MYO5C: variants seen among roughly 807,000 people sequenced by gnomAD.
MYO5C encodes myosin VC.
In MYO5C, 194 loss-of-function variants were observed where a neutral mutation model predicts 235.7. That is an observed-to-expected ratio of 0.82 (90% confidence interval 0.73 to 0.93). The LOEUF (loss-of-function observed/expected upper bound fraction) is 0.93. Ranked by LOEUF, MYO5C falls within the 40% of genes least tolerant of loss-of-function variation. The pLI is 0.00. For synonymous variants in MYO5C, 707 were observed against 754.8 expected (o/e 0.94, Z 1.04); for missense variants, 2,038 against 2,127.2 (o/e 0.96, Z 0.82).
chr15:52,225,224 C>T (rs1479969967), intron 26 of MYO5C, 86 bp from the exon 27 acceptor site: 1 of 1,429,336 alleles, frequency 7.0e-7, no homozygotes. Context: ...AGTTTTCTAG[C>T]TTCACAGTCT....
intron 30 of MYO5C, 48 bp downstream of exon 30, chr15:52,221,114 G>A (rs1247734562): frequency 2.1e-6 from 3 of 1,431,828 alleles, no homozygotes; most frequent in Non-Finnish European, 2.9e-6. Flanking sequence ...CATTTCCGGG[G>A]TACAGGAAAC....
chr15:52,258,324 T>C (rs1478087635), intron 10 of MYO5C, among the ~76,000 whole-genome samples: 1 of 152,168 alleles, frequency 6.6e-6, no homozygotes, highest in African/African-American at 2.4e-5. Context: ...CCCCATCTTG[T>C]AGATGCAGAA....
intron 26 of MYO5C, 64 bp from the exon 27 acceptor site, chr15:52,225,202 T>G: frequency 6.4e-7 from 1 of 1,562,342 alleles, no homozygotes; most frequent in South Asian, 1.1e-5. Context: ...TCCCATTCCC[T>G]TTCCAGGGCC....
chr15:52,217,300 A>C (rs181567590), intron 32 of MYO5C, among the ~76,000 whole-genome samples: 4 of 152,356 alleles, frequency 2.6e-5, no homozygotes, highest in Admixed American at 2.0e-4. Flanking sequence ...AGAGCCAGAC[A>C]CTTGGAGGAG....
At chr15:52,252,029 C>T (rs1029394569) in intron 12 of MYO5C, among the ~76,000 whole-genome samples, 2 of 151,992 alleles carry the variant, frequency 1.3e-5, no homozygotes, top group Non-Finnish European at 2.9e-5. Context: ...CTTTAGGGCA[C>T]TTTAAAAATT....
intron 10 of MYO5C, among the ~76,000 whole-genome samples, chr15:52,259,369 G>A (rs1275917735): frequency 6.9e-6 from 1 of 145,084 alleles, no homozygotes; most frequent in East Asian, 2.0e-4. Flanking sequence ...GCAGTGAGCC[G>A]AGATGGTGCC....
At chr15:52,293,299 A>C (rs892497172) in intron 1 of MYO5C, among the ~76,000 whole-genome samples, 1 of 151,870 alleles carries the variant, frequency 6.6e-6, no homozygotes, top group Non-Finnish European at 1.5e-5. Flanking sequence ...CCTTGCACAG[A>C]TGCATTCCCC....
At chr15:52,273,942 T>C (rs2036981555) in intron 5 of MYO5C, among the ~76,000 whole-genome samples, 1 of 152,068 alleles carries the variant, frequency 6.6e-6, no homozygotes, top group Non-Finnish European at 1.5e-5. Context: ...CCTTACTGCT[T>C]CCCTACTCAA....
At chr15:52,255,655 T>C (rs1390473528) in intron 11 of MYO5C, among the ~76,000 whole-genome samples, 1 of 152,198 alleles carries the variant, frequency 6.6e-6, no homozygotes, top group Non-Finnish European at 1.5e-5. Flanking sequence ...CTGTTGGGAA[T>C]TCAAAAGTGA....
chr15:52,293,306 C>T, intron 1 of MYO5C, among the ~76,000 whole-genome samples: 1 of 152,076 alleles, frequency 6.6e-6, no homozygotes, highest in South Asian at 2.1e-4. Context: ...CAGATGCATT[C>T]CCCGCTGGCC....
At chr15:52,281,862 T>A (rs1008279668) in intron 2 of MYO5C, among the ~76,000 whole-genome samples, 2 of 152,200 alleles carry the variant, frequency 1.3e-5, no homozygotes, top group Non-Finnish European at 1.5e-5. Flanking sequence ...ACATGCTTTG[T>A]CAATTAATCC....
At chr15:52,262,558 T>C (rs2036719754) in intron 9 of MYO5C, among the ~76,000 whole-genome samples, 1 of 152,222 alleles carries the variant, frequency 6.6e-6, no homozygotes. Context: ...CCTCTCTCCC[T>C]GCTTTCCCAC....
intron 4 of MYO5C, chr15:52,278,133 C>T: frequency 5.6e-6 from 2 of 355,072 alleles, no homozygotes; most frequent in Non-Finnish European, 1.1e-5. Context: ...AAGGCAGCTA[C>T]AAAGATAGGG....
rs754292839 is a variant in MYO5C at position 52,264,254 on chromosome 15, G to A, written c.983C>T (p.Ala328Val). 1.9e-6 allele frequency: 3 copies of A among 1,614,136 alleles called. No homozygotes were observed. Among genetic ancestry groups the A allele is most frequent in the Non-Finnish European group, 2.5e-6 (3 of 1,179,990 alleles). Residue 328 changes from alanine (A) to valine (V), a missense_variant, in exon 9 of 41, where the codon GCA (alanine) becomes GTA (valine). Ala to Val is a moderately conservative substitution (Grantham distance 64). Transcript: ENST00000261839. Reference sequence around the variant, plus strand: ...CACATTGCCCAGATGTAGGATGGCTGCCAGGATTTTAAAAACGTCCATCTG... The same window carrying A: ...CACATTGCCCAGATGTAGGATGGCTACCAGGATTTTAAAAACGTCCATCTG... ...DFQMDVFKIL[A>V]AILHLGNVQI... is the part of the protein sequence containing the mutation.
rs370630081 is a variant in MYO5C at position 52,253,370 on chromosome 15, C to G, written c.1483G>C (p.Asp495His). The G allele has an allele frequency of 6.2e-7, 1 of 1,613,216 alleles. No homozygotes were observed. The highest frequency in any genetic ancestry group is 8.5e-7 in the Non-Finnish European group (1 of 1,179,360). ...ATTCCCATTTTTGCTTCAATCAGGT[C>G]AATAACTGGTTGATTGTCATAAAAA... ...IDFYDNQPVIDLIEAKMGILE... is the reference protein window; with the variant it reads ...IDFYDNQPVIHLIEAKMGILE... The change falls in exon 12 of 41, where the codon GAC becomes CAC. Residue 495 changes from aspartate (D) to histidine (H), a missense_variant. Coordinates refer to ENST00000261839, the MANE Select transcript of MYO5C (RefSeq NM_018728.4).
intron 9 of MYO5C, among the ~76,000 whole-genome samples, chr15:52,263,883 G>C (rs931479505): frequency 6.6e-5 from 10 of 152,170 alleles, no homozygotes; most frequent in South Asian, 2.1e-4. Context: ...TTCTTGCTTT[G>C]TTTTGTTCAC....
intron 35 of MYO5C, among the ~76,000 whole-genome samples, chr15:52,210,094 GCTGGGA>G (rs2035412906): frequency 6.6e-6 from 1 of 152,066 alleles, no homozygotes; most frequent in East Asian, 1.9e-4. Flanking sequence ...TTCCTGAGTA[GCTGGGA>G]CTACAGGCAC....
intron 26 of MYO5C, 140 bp from the exon 27 acceptor site, chr15:52,225,278 A>G (rs747090337): frequency 9.1e-6 from 10 of 1,100,822 alleles, no homozygotes; most frequent in Admixed American, 4.0e-5. Flanking sequence ...CAACTAACCA[A>G]TCTTCCAGGT....
In MYO5C at chr15:52,245,472, A is replaced by T. The variant is rs750914148; in HGVS notation, c.2067-7T>A. 4.4e-6 allele frequency: 7 copies of T among 1,601,216 alleles called. No individual in the cohort carries two copies. The highest frequency in any genetic ancestry group is 6.0e-6 in the Non-Finnish European group (7 of 1,168,412). On this transcript the variant is annotated splice_polypyrimidine_tract_variant and splice_region_variant and intron_variant, in intron 17 of 40. Coordinates refer to ENST00000261839, the MANE Select transcript of MYO5C (RefSeq NM_018728.4). ...GAACTCGATGTATGTCCACCTGGAA[A>T]ATCAAAGGGGATCAAAGCCAGGAGT...
Sources: allele counts gnomAD v4.1 joint callset (sites outside exome capture counted in the v4.1 genomes callset), GRCh38; gene constraint gnomAD v4.1.1; transcripts MANE v1.5; gene names NCBI Gene and HGNC (gene_info 2026-07-23, HGNC 2026-07-21).